FAM163B: variants seen among roughly 807,000 people sequenced by gnomAD.
FAM163B encodes the protein protein FAM163B.
FAM163B carries 4 observed loss-of-function variants against 7.6 expected under a neutral mutation model. That is an observed-to-expected ratio of 0.52 (90% CI 0.26 to 1.20). FAM163B has a LOEUF of 1.20. FAM163B is among the 50% of genes most tolerant of loss of function. FAM163B has a pLI of 0.14. For missense variants in FAM163B, 250 were observed against 243.0 expected, an observed-to-expected ratio of 1.03 and a Z score of -0.19; for synonymous variants, 120 against 111.6, an observed-to-expected ratio of 1.07 and a Z score of -0.47.
At chr9:133,604,846 C>T (rs1273901833) in intron 1 of FAM163B, among the ~76,000 whole-genome samples, 2 of 152,200 alleles carry the variant, frequency 1.3e-5, no homozygotes, top group Non-Finnish European at 2.9e-5. Flanking sequence ...CAGCCAGATA[C>T]AGCAAATGCA....
chr9:133,604,700 G>C (rs1831768729), intron 1 of FAM163B, among the ~76,000 whole-genome samples: 1 of 152,130 alleles, frequency 6.6e-6, no homozygotes, highest in Admixed American at 6.5e-5. Context: ...AATCACCTGG[G>C]GGCCGGTTAC....
chr9:133,607,468 T>C (rs1433251615), intron 1 of FAM163B, among the ~76,000 whole-genome samples: 2 of 152,186 alleles, frequency 1.3e-5, no homozygotes, highest in Non-Finnish European at 2.9e-5. Flanking sequence ...AACACCTCTG[T>C]GTGCCAGGAT....
At chr9:133,590,416 G>A (rs1472641144) in intron 1 of FAM163B, among the ~76,000 whole-genome samples, 4 of 151,988 alleles carry the variant, frequency 2.6e-5, no homozygotes, top group South Asian at 2.1e-4. Flanking sequence ...ACTTAGTCCC[G>A]TGCTGGGCTG....
rs151181010 is a variant in FAM163B at position 133,593,850 on chromosome 9, A to C, written c.-23-13604T>G. Among the ~76,000 whole-genome samples, 288 of 152,208 alleles carry C rather than the reference A, an allele frequency of 1.9e-3. 1 individual carries two copies. The highest frequency in any genetic ancestry group is 0.017 in the Middle Eastern group (5 of 294). On this transcript the variant is annotated intron_variant, in intron 1 of 2. Transcript: ENST00000673969. ...GGGGCTGGCAGGGCCAGTGGCTTTGATGGCGCCTCACTGGCCTCTCCTTGG... is the reference window on the plus strand; with the variant it reads ...GGGGCTGGCAGGGCCAGTGGCTTTGCTGGCGCCTCACTGGCCTCTCCTTGG...
chr9:133,582,075 G>T (rs1831364450), intron 1 of FAM163B, among the ~76,000 whole-genome samples: 1 of 152,274 alleles, frequency 6.6e-6, no homozygotes, highest in South Asian at 2.1e-4. Flanking sequence ...CAGAGGGAAG[G>T]CTCAGAGGTT....
chr9:133,584,669 G>A (rs1358024055), intron 1 of FAM163B, among the ~76,000 whole-genome samples: 2 of 152,220 alleles, frequency 1.3e-5, no homozygotes, highest in Non-Finnish European at 2.9e-5. Flanking sequence ...GGGTGGTAAC[G>A]GATGGGGGAG....
Position 133,578,877 on chromosome 9 carries a change from C to T in FAM163B, c.*145G>A. On this transcript the variant is annotated 3_prime_UTR_variant, in exon 3 of 3. Coordinates refer to ENST00000673969, the MANE Select transcript of FAM163B (RefSeq NM_001080515.3). ...TCCCTGCCACGAGCCTGGGGGCTCC[C>T]CAAGCCTGGGCCTCCCCTGAGGACA... 2 of 1,408,444 alleles carry T rather than the reference C, an allele frequency of 1.4e-6. No individual in the cohort carries two copies. Among genetic ancestry groups the T allele is most frequent in the Non-Finnish European group, 1.9e-6 (2 of 1,078,908 alleles). The allele number at this position is 1,408,444 out of a possible 1,614,324, so 87.2% of individuals were successfully genotyped here.
Position 133,577,482 on chromosome 9 carries a change from G to C in FAM163B, c.*1540C>G, listed in dbSNP as rs111689850. On this transcript the variant is annotated 3_prime_UTR_variant, in exon 3 of 3. Coordinates refer to ENST00000673969, the MANE Select transcript of FAM163B (RefSeq NM_001080515.3). Reference sequence around the variant, plus strand: ...CATAACGATTGTGACTTCGTCAGCCGTTCCCCCGACGCCTCTGGAAACTGG... The same window carrying C: ...CATAACGATTGTGACTTCGTCAGCCCTTCCCCCGACGCCTCTGGAAACTGG... Among the ~76,000 whole-genome samples, 22,484 of 152,294 alleles carry C rather than the reference G, an allele frequency of 0.15. 1,831 individuals are homozygous for C. The highest frequency in any genetic ancestry group is 0.16 in the Non-Finnish European group (11,009 of 68,010).
At chr9:133,592,787 A>C (rs1263306518) in intron 1 of FAM163B, among the ~76,000 whole-genome samples, 3 of 152,102 alleles carry the variant, frequency 2.0e-5, no homozygotes, top group Admixed American at 6.5e-5. Context: ...GGGGGGTCAG[A>C]AACTCTGGGG....
intron 1 of FAM163B, 73 bp from the exon 2 acceptor site, chr9:133,580,319 A>G: frequency 8.4e-7 from 1 of 1,194,094 alleles, no homozygotes; most frequent in East Asian, 2.5e-5. Context: ...ATTCTAGAGA[A>G]CTGAGAAGAC....
rs1056463645 is a variant in FAM163B at position 133,600,527 on chromosome 9, C to T, written c.-24+8550G>A. On this transcript the variant is annotated intron_variant, in intron 1 of 2. Coordinates refer to ENST00000673969, the MANE Select transcript of FAM163B (RefSeq NM_001080515.3). The surrounding 1 kb of genome is among the most constrained non-coding windows in gnomAD (Gnocchi z 4.9). ...CTGCAGCTGGGCCTCTAGATTCCTGCAGTTCATTTAAAGCTGGGCCCAGCT... is the reference window on the plus strand; with the variant it reads ...CTGCAGCTGGGCCTCTAGATTCCTGTAGTTCATTTAAAGCTGGGCCCAGCT... 9.9e-5 allele frequency among the ~76,000 whole-genome samples: 15 copies of T among 152,078 alleles called. No homozygotes were observed. The highest frequency in any genetic ancestry group is 2.1e-4 in the Non-Finnish European group (14 of 68,016).
At chr9:133,598,783 C>T (rs933301866) in intron 1 of FAM163B, among the ~76,000 whole-genome samples, 1 of 152,176 alleles carries the variant, frequency 6.6e-6, no homozygotes, top group African/African-American at 2.4e-5. Context: ...TCTTATTTCA[C>T]AGGTGGAGCA....
In FAM163B at chr9:133,599,911, T is replaced by C. The variant is rs576710623; in HGVS notation, c.-24+9166A>G. ...TATGCATGTGCAAGTGTGGGTGTGGTCTGTGTGCATGTGTGTGAGTGTGGT... is the reference window on the plus strand; with the variant it reads ...TATGCATGTGCAAGTGTGGGTGTGGCCTGTGTGCATGTGTGTGAGTGTGGT... On this transcript the variant is annotated intron_variant, in intron 1 of 2. Coordinates refer to ENST00000673969, the MANE Select transcript of FAM163B (RefSeq NM_001080515.3). Among the ~76,000 whole-genome samples the C allele has an allele frequency of 6.0e-5, 9 of 151,204 alleles. No individual in the cohort carries two copies. In the South Asian group the frequency reaches 1.9e-3, roughly 32 times the overall value.
intron 1 of FAM163B, among the ~76,000 whole-genome samples, chr9:133,587,149 C>A (rs916512005): frequency 6.6e-5 from 10 of 152,212 alleles, no homozygotes; most frequent in Non-Finnish European, 1.5e-4. Context: ...TGCTGAAACT[C>A]AAAGCCCATC....
At position 133,579,027 on chromosome 9, in the gene FAM163B, C is replaced by CGTCG. The variant is rs771220753; in HGVS notation, c.492_495dup (p.Val166ArgfsTer61). ...ATCCCGGGGGCGGGCCCAGGTCACACGTCGGTGCTGATGCTGCGGCTCCTG... is the reference window on the plus strand; with the variant it reads ...ATCCCGGGGGCGGGCCCAGGTCACACGTCGGTCGGTGCTGATGCTGCGGCTCCTG... On this transcript the variant is annotated frameshift_variant, in exon 3 of 3. Coordinates refer to ENST00000673969, the MANE Select transcript of FAM163B (RefSeq NM_001080515.3). LOFTEE classifies it high-confidence loss of function. 2 of 1,538,006 alleles carry CGTCG rather than the reference C, an allele frequency of 1.3e-6. No homozygotes were observed. The highest frequency in any genetic ancestry group is 1.7e-6 in the Non-Finnish European group (2 of 1,143,408).
chr9:133,580,118 C>T lies in FAM163B; in HGVS notation c.93+13G>A, dbSNP rs1159810091. 13 of 1,608,784 alleles carry T rather than the reference C, an allele frequency of 8.1e-6. No homozygotes were observed. The East Asian group carries it at 8.9e-5, about 11-fold the overall frequency. Reference sequence around the variant, plus strand: ...CTCCCTGCCCTGTCCCCTTCCCCGCCGCCCGGGAATACCTGGAGCCGGCAG... The same window carrying T: ...CTCCCTGCCCTGTCCCCTTCCCCGCTGCCCGGGAATACCTGGAGCCGGCAG... On this transcript the variant is annotated intron_variant, in intron 2 of 2. Coordinates refer to ENST00000673969, the MANE Select transcript of FAM163B (RefSeq NM_001080515.3).
intron 1 of FAM163B, among the ~76,000 whole-genome samples, chr9:133,592,214 C>T (rs1214526864): frequency 6.6e-6 from 1 of 152,076 alleles, no homozygotes; most frequent in Non-Finnish European, 1.5e-5. Context: ...CTGGCTGAGG[C>T]GGAGCCCCTG....
chr9:133,586,559 C>A (rs769768659), intron 1 of FAM163B, among the ~76,000 whole-genome samples: 1 of 152,212 alleles, frequency 6.6e-6, no homozygotes, highest in Non-Finnish European at 1.5e-5. Context: ...CAGACCCCAG[C>A]TGGAGAGCCC....
chr9:133,578,844 G>A lies in FAM163B; in HGVS notation c.*178C>T. ...CCCCCAGGACACATTTGTGTTCAATGAGCCTTATCCCTGCCACGAGCCTGG... is the reference window on the plus strand; with the variant it reads ...CCCCCAGGACACATTTGTGTTCAATAAGCCTTATCCCTGCCACGAGCCTGG... On this transcript the variant is annotated 3_prime_UTR_variant, in exon 3 of 3. Coordinates refer to ENST00000673969, the MANE Select transcript of FAM163B (RefSeq NM_001080515.3). The A allele has an allele frequency of 8.2e-7, 1 of 1,218,844 alleles. No individual in the cohort carries two copies. Among genetic ancestry groups the A allele is most frequent in the South Asian group, 1.9e-5 (1 of 53,844 alleles). The allele number at this position is 1,218,844 out of a possible 1,614,324, so 75.5% of individuals were successfully genotyped here. A position where few individuals can be genotyped will look rare whatever the true frequency, so the allele number is the denominator to read the frequency against.
Sources: gnomAD v4.1 joint callset for allele counts (sites outside exome capture counted in the v4.1 genomes callset) on GRCh38, gnomAD v4.1.1 for gene constraint, Gnocchi (gnomAD v3.1) non-coding constraint, MANE v1.5 for transcripts, NCBI Gene and HGNC (gene_info 2026-07-23, HGNC 2026-07-21) for gene names.